DCT: variants seen among roughly 807,000 people sequenced by gnomAD.
The protein encoded by DCT is dopachrome tautomerase.
DCT carries 47 observed loss-of-function variants against 53.0 expected under a neutral mutation model. The ratio of observed to expected loss-of-function variants is 0.89; its 90% confidence interval spans 0.70 to 1.13. The LOEUF (loss-of-function observed/expected upper bound fraction) is 1.13, where lower values mean the gene tolerates loss of function less well. DCT is among the 50% of genes most tolerant of loss of function. DCT has a pLI of 0.00. For missense variants in DCT, 669 were observed against 637.4 expected (o/e 1.05, Z -0.53); for synonymous variants, 244 against 237.0 (o/e 1.03, Z -0.27).
chr13:94,471,868 G>T (rs1884668078), intron 1 of DCT, among the ~76,000 whole-genome samples: 1 of 152,156 alleles, frequency 6.6e-6, no homozygotes, highest in Admixed American at 6.5e-5. Context: ...GTCGGTAGAG[G>T]TTCATTGATT....
chr13:94,535,975 G>A, the DCT span, among the ~76,000 whole-genome samples: 1 of 152,132 alleles, frequency 6.6e-6, no homozygotes, highest in Non-Finnish European at 1.5e-5. Context: ...CTCCTCATCA[G>A]CATCTTAAAG....
At chr13:94,508,988 A>G in the DCT span, among the ~76,000 whole-genome samples, 1 of 152,136 alleles carries the variant, frequency 6.6e-6, no homozygotes, top group Admixed American at 6.5e-5. Flanking sequence ...TGAATCAGAC[A>G]CTACTGAGAG....
chr13:94,518,904 T>C, the DCT span, among the ~76,000 whole-genome samples: 3 of 152,220 alleles, frequency 2.0e-5, no homozygotes, highest in African/African-American at 7.2e-5. Flanking sequence ...TCTTAATCCC[T>C]TTAAGTTGCA....
Position 94,465,760 on chromosome 13 carries a change from T to C in DCT, c.736A>G (p.Asn246Asp). ...CACTCGTTCCTCCCAGTGGCAAAGT[T>C]CCAGTAGGGCAAAGCAAAAGACTCA... ...GNESFALPYW[N>D]FATGRNECDV... The change falls in exon 4 of 8, where the codon AAC becomes GAC. Residue 246 changes from asparagine (N) to aspartate (D), a missense_variant. By Grantham distance (23) the Asn-to-Asp change is conservative. Transcript: ENST00000377028. The C allele has an allele frequency of 1.2e-6, 2 of 1,612,270 alleles. No homozygotes were observed. The highest frequency in any genetic ancestry group is 1.7e-6 in the Non-Finnish European group (2 of 1,179,266).
rs754368909 is a variant in DCT, at chr13:94,468,910, G to A, written c.431C>T (p.Ala144Val). ...SPQEREQFLG[A>V]LDLAKKRVHP... Reference sequence around the variant, plus strand: ...TACTCTCTTCTTCGCGAGATCTAAGGCGCCCAAGAACTGCTCTCTTTCCTG... The same window carrying A: ...TACTCTCTTCTTCGCGAGATCTAAGACGCCCAAGAACTGCTCTCTTTCCTG... The change falls in exon 2 of 8, where the codon GCC becomes GTC. Residue 144 changes from alanine to valine, a missense_variant. Ala to Val is a moderately conservative substitution (Grantham distance 64). Coordinates refer to ENST00000377028, the MANE Select transcript of DCT (RefSeq NM_001922.5). The A allele has an allele frequency of 3.7e-6, 6 of 1,614,114 alleles. 1 individual carries two copies. The South Asian group carries it at 6.6e-5, about 18-fold the overall frequency.
In DCT at chr13:94,439,741, A is replaced by G. The variant is rs188029372; in HGVS notation, c.*157T>C. 9.9e-5 allele frequency: 53 copies of G among 534,202 alleles called. No homozygotes were observed. The Admixed American group carries it at 1.1e-3, about 11-fold the overall frequency. The allele number at this position is 534,202 out of a possible 1,614,324, so 33.1% of individuals were successfully genotyped here. A position where few individuals can be genotyped will look rare whatever the true frequency, so the allele number is the denominator to read the frequency against. ...TAAACAAGCAAGCAAAGCGGAAACT[A>G]CAGCTAAGCATCTTCTGAATGAGAT... On this transcript the variant is annotated 3_prime_UTR_variant, in exon 8 of 8. Transcript: ENST00000377028.
chr13:94,515,818 G>T, the DCT span, among the ~76,000 whole-genome samples: 1 of 152,190 alleles, frequency 6.6e-6, no homozygotes, highest in Non-Finnish European at 1.5e-5. Flanking sequence ...CTAGAGAATG[G>T]AAAGTTGAGT....
chr13:94,457,698 A>G (rs2139316121), intron 6 of DCT, among the ~76,000 whole-genome samples: 1 of 152,348 alleles, frequency 6.6e-6, no homozygotes, highest in African/African-American at 2.4e-5. Context: ...TTCTTCTTGT[A>G]ATTGCTCCAA....
the DCT span, among the ~76,000 whole-genome samples, chr13:94,506,322 A>G: frequency 6.6e-6 from 1 of 152,064 alleles, no homozygotes; most frequent in Non-Finnish European, 1.5e-5. Flanking sequence ...GTTGGGGCAG[A>G]AAAAGGCAAA....
the DCT span, among the ~76,000 whole-genome samples, chr13:94,492,380 C>T: frequency 6.6e-6 from 1 of 152,160 alleles, no homozygotes; most frequent in Non-Finnish European, 1.5e-5. Context: ...TAGATGTTTC[C>T]TCTGAACTAA....
the DCT span, among the ~76,000 whole-genome samples, chr13:94,537,661 C>A: frequency 6.6e-6 from 1 of 152,110 alleles, no homozygotes; most frequent in East Asian, 1.9e-4. Flanking sequence ...AACGAAAACA[C>A]TGAAAATCAT....
chr13:94,535,732 T>C, the DCT span, among the ~76,000 whole-genome samples: 27 of 152,354 alleles, frequency 1.8e-4, no homozygotes, highest in East Asian at 5.0e-3. Flanking sequence ...GGCATCTTTC[T>C]AATTGCAGAG....
chr13:94,455,613 A>G (rs2139310552), intron 6 of DCT, among the ~76,000 whole-genome samples: 1 of 152,334 alleles, frequency 6.6e-6, no homozygotes, highest in African/African-American at 2.4e-5. Flanking sequence ...CAGTAGTTAC[A>G]ACAGAAAACA....
At chr13:94,509,187 G>C in the DCT span, among the ~76,000 whole-genome samples, 17 of 152,208 alleles carry the variant, frequency 1.1e-4, no homozygotes, top group Admixed American at 6.5e-4. Flanking sequence ...AGAGCTGAGA[G>C]AAAACTATGA....
the DCT span, among the ~76,000 whole-genome samples, chr13:94,516,919 C>A: frequency 6.6e-6 from 1 of 152,194 alleles, no homozygotes; most frequent in African/African-American, 2.4e-5. Context: ...GACTGAGACA[C>A]AACCACATTT....
chr13:94,501,082 T>C, the DCT span, among the ~76,000 whole-genome samples: 282 of 152,102 alleles, frequency 1.9e-3, 1 homozygote, highest in African/African-American at 6.5e-3. Flanking sequence ...CTGGCTAACA[T>C]GGTGAAACCC....
At chr13:94,542,255 A>G in the DCT span, among the ~76,000 whole-genome samples, 2 of 152,102 alleles carry the variant, frequency 1.3e-5, no homozygotes, top group African/African-American at 4.8e-5. Context: ...GTGGTGCAAT[A>G]TTGGCTCATT....
the DCT span, among the ~76,000 whole-genome samples, chr13:94,499,000 A>AAG: frequency 1.3e-5 from 2 of 152,312 alleles, no homozygotes; most frequent in Non-Finnish European, 1.5e-5. Context: ...AATCAGCAGG[A>AAG]AGTGGGTGGG....
intron 6 of DCT, among the ~76,000 whole-genome samples, chr13:94,447,654 C>G (rs1594278308): frequency 1.3e-5 from 2 of 152,202 alleles, no homozygotes; most frequent in Non-Finnish European, 2.9e-5. Context: ...ATACTTTGAC[C>G]TATGAGTCCT....
Sources: gnomAD v4.1 joint callset for allele counts (sites outside exome capture counted in the v4.1 genomes callset) on GRCh38, gnomAD v4.1.1 for gene constraint, MANE v1.5 for transcripts, NCBI Gene and HGNC (gene_info 2026-07-23, HGNC 2026-07-21) for gene names.